The following DOC2A variants were observed in gnomAD, a reference collection of about 807,000 sequenced individuals.
The protein encoded by DOC2A is double C2-like domain-containing protein alpha.
Under a neutral mutation model 40.6 loss-of-function variants are expected in DOC2A, and 28 were observed. The observed-to-expected ratio is 0.69, with a 90% confidence interval of 0.51 to 0.95. The LOEUF is 0.95. Among genes scored for constraint, DOC2A ranks in the 40% least tolerant of loss-of-function variants. The pLI is 0.00. For synonymous variants in DOC2A, 241 were observed against 236.9 expected, an observed-to-expected ratio of 1.02 and a Z score of -0.16; for missense variants, 474 against 552.5, an observed-to-expected ratio of 0.86 and a Z score of 1.42.
In DOC2A at chr16:30,009,036, T is replaced by G; in HGVS notation, c.487A>C (p.Ser163Arg). 3.1e-6 allele frequency: 5 copies of G among 1,614,092 alleles called. No individual in the cohort carries two copies. Among genetic ancestry groups the G allele is most frequent in the Non-Finnish European group, 4.2e-6 (5 of 1,180,010 alleles). The stretch of plus-strand genomic sequence containing the variant: ...GTGATGTCGTCATCTGTGATCCCGC[T>G]GTAAGTCAGGTCCTCATTCCACACG... ...NPVWNEDLTYSGITDDDITHK... is the reference protein window; with the variant it reads ...NPVWNEDLTYRGITDDDITHK... The change falls in exon 5 of 11, where the codon AGC (serine) becomes CGC (arginine). Residue 163 changes from serine (S) to arginine (R), a missense_variant. By Grantham distance (110) the Ser-to-Arg change is moderately radical. Transcript: ENST00000350119. This position sits in a 1 kb window ranked among gnomAD's most constrained non-coding sequence, Gnocchi z 4.1.
At chr16:30,011,166 G>GCA (rs2070770589), upstream of DOC2A, 1 of 630,328 alleles carries the variant, frequency 1.6e-6, no homozygotes, top group South Asian at 6.7e-5. Flanking sequence ...ACGCGAGCGC[G>GCA]CACACACACG....
upstream of DOC2A, chr16:30,011,865 GC>G (rs1195813234): frequency 2.0e-5 from 3 of 152,336 alleles, no homozygotes; most frequent in Admixed American, 6.5e-5. Context: ...CCTCCCCCCT[GC>G]CATCCCCAGT....
intron 5 of DOC2A, 29 bp from the exon 6 acceptor site, chr16:30,007,328 C>T: frequency 3.7e-6 from 6 of 1,613,424 alleles, no homozygotes; most frequent in African/African-American, 1.3e-5. Context: ...GTCAGGGCCC[C>T]TGGGGTACCT....
chr16:30,007,432 A>G (rs1197342901), intron 5 of DOC2A, 133 bp from the exon 6 acceptor site: 36 of 1,303,632 alleles, frequency 2.8e-5, no homozygotes, highest in Non-Finnish European at 3.5e-5. Flanking sequence ...GCACTTGAGA[A>G]GGACAAGCAG....
chr16:30,011,454 C>G, upstream of DOC2A: 29 of 981,890 alleles, frequency 3.0e-5, no homozygotes, highest in Non-Finnish European at 3.5e-5. Context: ...CCGCCCCCGC[C>G]CGCGCGCGCG....
chr16:30,006,137 G>A lies in DOC2A; in HGVS notation c.*49C>T. ...CGTGCAACACACTCGTGCGAAGGTT[G>A]GGTACTGGACCCGGCTCGATGGGCC... On this transcript the variant is annotated 3_prime_UTR_variant, in exon 11 of 11. Transcript: ENST00000350119. The surrounding 1 kb of genome is among the most constrained non-coding windows in gnomAD (Gnocchi z 6.2). The A allele has an allele frequency of 6.5e-7, 1 of 1,538,258 alleles. No individual in the cohort carries two copies. The highest frequency in any genetic ancestry group is 2.0e-5 in the Admixed American group (1 of 50,600).
chr16:30,013,044 C>T (rs2070810342), upstream of DOC2A, among the ~76,000 whole-genome samples: 2 of 150,942 alleles, frequency 1.3e-5, no homozygotes, highest in Middle Eastern at 3.4e-3. Flanking sequence ...CACTTATTAC[C>T]CATAAAATGG....
chr16:30,009,480 TG>T lies in DOC2A; in HGVS notation c.339del (p.Lys114ArgfsTer30). On this transcript the variant is annotated frameshift_variant, in exon 3 of 11. Coordinates refer to ENST00000350119, the MANE Select transcript of DOC2A (RefSeq NM_003586.3). LOFTEE classifies it high-confidence loss of function. This position sits in a 1 kb window ranked among gnomAD's most constrained non-coding sequence, Gnocchi z 4.1. ...CTTGGGTGGCAGGGAGTGCCCACCT[TG>T]GCCCTGAGGATGCTACAGTGCAGAG... ...SCTLHCSILR[A>X]KGLKPMDFNG... The T allele has an allele frequency of 6.4e-7, 1 of 1,551,438 alleles. No homozygotes were observed. The highest frequency in any genetic ancestry group is 8.7e-7 in the Non-Finnish European group (1 of 1,146,948).
intron 5 of DOC2A, 55 bp from the exon 6 acceptor site, chr16:30,007,354 G>T (rs1334390356): frequency 5.1e-5 from 82 of 1,612,036 alleles, no homozygotes; most frequent in Non-Finnish European, 6.7e-5. Flanking sequence ...CCGTTCCGGG[G>T]TGTAGGAAGG....
In DOC2A at chr16:30,005,571, GA is replaced by G; in HGVS notation, c.*614del. 1 of 920,502 alleles carries G rather than the reference GA, an allele frequency of 1.1e-6. No individual in the cohort carries two copies. Among genetic ancestry groups the G allele is most frequent in the Non-Finnish European group, 1.7e-6 (1 of 597,542 alleles). The allele number at this position is 920,502 out of a possible 1,614,324, so 57.0% of individuals were successfully genotyped here. On this transcript the variant is annotated 3_prime_UTR_variant, in exon 11 of 11. Transcript: ENST00000350119. ...CATGCTCCGGCCACTGACACAACCA[GA>G]AAAGGCGTAAACATGCACGGGTGTC...
intron 1 of DOC2A, among the ~76,000 whole-genome samples, chr16:30,019,739 G>A (rs1392823850): frequency 6.6e-6 from 1 of 152,054 alleles, no homozygotes; most frequent in Non-Finnish European, 1.5e-5. Flanking sequence ...TCGGGAACCA[G>A]GTTATTTATT....
chr16:30,008,585 C>T (rs373234660), intron 5 of DOC2A: 22 of 252,270 alleles, frequency 8.7e-5, no homozygotes, highest in South Asian at 6.3e-4. Flanking sequence ...CTCACTGCAA[C>T]CTCTGCCTCC....
At position 30,006,536 on chromosome 16, in the gene DOC2A, G is replaced by T. The variant is rs760294213; in HGVS notation, c.961-27C>A. 6.2e-7 allele frequency: 1 copy of T among 1,613,330 alleles called. No individual in the cohort carries two copies. The highest frequency in any genetic ancestry group is 8.5e-7 in the Non-Finnish European group (1 of 1,179,570). On this transcript the variant is annotated intron_variant, in intron 9 of 10. Transcript: ENST00000350119. The surrounding 1 kb of genome is among the most constrained non-coding windows in gnomAD (Gnocchi z 6.2). ...TAGGGACAAGGCCGGCCACCCGTTC[G>T]TGAGCCAGCTCCCCAGCCCCTCCCT...
At position 30,010,271 on chromosome 16, in the gene DOC2A, A is replaced by G. The variant is rs1316669228; in HGVS notation, c.-13-36T>C. ...GCGTGTGAGCCAGTGAGCCCATCAT[A>G]CCTAGCCATCCTGGCTGAGGGCCAG... On this transcript the variant is annotated intron_variant, in intron 1 of 10. Transcript: ENST00000350119. This position sits in a 1 kb window ranked among gnomAD's most constrained non-coding sequence, Gnocchi z 4.2. 8 of 1,609,256 alleles carry G rather than the reference A, an allele frequency of 5.0e-6. No individual in the cohort carries two copies. Among genetic ancestry groups the G allele is most frequent in the Admixed American group, 1.7e-5 (1 of 60,004 alleles).
In DOC2A at chr16:30,007,110, G is replaced by T. The variant is rs754675552; in HGVS notation, c.655-20C>A. ...CGCCAGCTGAGGGGGCAAAGAGAAG[G>T]TTCTGGAAGCCTGGCCTCCCCAGGG... On this transcript the variant is annotated intron_variant, in intron 6 of 10. Coordinates refer to ENST00000350119, the MANE Select transcript of DOC2A (RefSeq NM_003586.3). 2 of 1,613,746 alleles carry T rather than the reference G, an allele frequency of 1.2e-6. No homozygotes were observed. Among genetic ancestry groups the T allele is most frequent in the Non-Finnish European group, 1.7e-6 (2 of 1,179,904 alleles).
At position 30,005,656 on chromosome 16, in the gene DOC2A, A is replaced by G. The variant is rs12851; in HGVS notation, c.*530T>C. On this transcript the variant is annotated 3_prime_UTR_variant, in exon 11 of 11. Transcript: ENST00000350119. ...CCCCGGCCCCCTCCAGGGGACAGTT[A>G]TTTAAACGAGTGGCCGGGAGCATCT... 41,144 of 574,842 alleles carry G rather than the reference A, an allele frequency of 0.072. 1,890 individuals carry two copies. The highest frequency in any genetic ancestry group is 0.15 in the African/African-American group (8,011 of 51,750). The allele number at this position is 574,842 out of a possible 1,614,324, so 35.6% of individuals were successfully genotyped here. A position where few individuals can be genotyped will look rare whatever the true frequency, so the allele number is the denominator to read the frequency against.
upstream of DOC2A, among the ~76,000 whole-genome samples, chr16:30,013,249 CTCTTCTTTTTTTTTCT>C (rs2070813931): frequency 6.8e-6 from 1 of 146,168 alleles, no homozygotes; most frequent in Non-Finnish European, 1.5e-5. Context: ...GGGAGGATCT[CTCTTCTTTTTTTTTCT>C]TTTCTTTTTT....
rs1218293512 is a variant in DOC2A at position 30,005,973 on chromosome 16, T to C, written c.*213A>G. ...GCAGATGATGGGGGGTTTGCATATT[T>C]GCAGGGACTAGCGAGTCAGGCAGGA... On this transcript the variant is annotated 3_prime_UTR_variant, in exon 11 of 11. Transcript: ENST00000350119. 1 of 623,678 alleles carries C rather than the reference T, an allele frequency of 1.6e-6. No individual in the cohort carries two copies. The highest frequency in any genetic ancestry group is 2.8e-6 in the Non-Finnish European group (1 of 361,960). 38.6% of individuals were successfully genotyped at this position (623,678 alleles called of 1,614,324 possible).
chr16:30,011,069 G>C (rs1033999747), upstream of DOC2A: 7 of 980,766 alleles, frequency 7.1e-6, no homozygotes, highest in East Asian at 2.3e-4. Context: ...GGATGCAGCC[G>C]GCGCGGCGGC....
Sources: gnomAD v4.1 joint callset for allele counts (sites outside exome capture counted in the v4.1 genomes callset) on GRCh38, gnomAD v4.1.1 for gene constraint, Gnocchi (gnomAD v3.1) non-coding constraint, MANE v1.5 for transcripts, NCBI Gene and HGNC (gene_info 2026-07-23, HGNC 2026-07-21) for gene names.